The following CSMD1 variants were observed in gnomAD, a reference collection of about 807,000 sequenced individuals.
The protein encoded by CSMD1 is CUB and Sushi multiple domains 1, also known as CUB and sushi domain-containing protein 1.
Under a neutral mutation model 417.5 loss-of-function variants are expected in CSMD1, and 213 were observed. That is an observed-to-expected ratio of 0.51 (90% CI 0.46 to 0.57). The LOEUF (loss-of-function observed/expected upper bound fraction) is 0.57, where lower values mean the gene tolerates loss of function less well. Among genes scored for constraint, CSMD1 ranks in the 20% least tolerant of loss-of-function variants. The pLI, the probability that CSMD1 is intolerant of heterozygous loss-of-function variation, is 0.00. For missense variants in CSMD1, 6,923 were observed against 4,529.7 expected (o/e 1.53, Z -15.17); for synonymous variants, 2,862 against 1,736.8 (o/e 1.65, Z -16.11).
In CSMD1 at chr8:3,407,890, C is replaced by T. The variant is rs143074059; in HGVS notation, c.2071+9G>A. ...AACTTGGATGTGTTGACTGTGTGGG[C>T]GTACTTACTGGTGTAAGTGATGTTG... On this transcript the variant is annotated intron_variant, in intron 14 of 69. Transcript: ENST00000635120. The T allele has an allele frequency of 6.4e-4, 1,021 of 1,591,666 alleles. 3 individuals are homozygous for T. The African/African-American group carries it at 8.1e-3, about 13-fold the overall frequency.
At chr8:3,240,354 A>G (rs1227053929) in intron 26 of CSMD1, among the ~76,000 whole-genome samples, 2 of 152,174 alleles carry the variant, frequency 1.3e-5, no homozygotes, top group East Asian at 3.9e-4. Flanking sequence ...GTGAGTTTAT[A>G]TAATGGTTTT....
intron 1 of CSMD1, among the ~76,000 whole-genome samples, chr8:4,713,374 TTTTTG>T (rs56295432): frequency 0.43 from 64,304 of 147,830 alleles, 14,336 homozygotes; most frequent in Admixed American, 0.56. Flanking sequence ...CAGCTTTGTG[TTTTTG>T]TTTTGTTTTG....
chr8:3,367,902 C>T (rs1311166853), intron 19 of CSMD1, among the ~76,000 whole-genome samples: 2 of 152,034 alleles, frequency 1.3e-5, no homozygotes, highest in Non-Finnish European at 2.9e-5. Context: ...GGACAAAGGA[C>T]CAGACAAATT....
intron 1 of CSMD1, among the ~76,000 whole-genome samples, chr8:4,811,531 G>C (rs1318132147): frequency 6.6e-6 from 1 of 152,070 alleles, no homozygotes; most frequent in African/African-American, 2.4e-5. Context: ...ATAGAAACAA[G>C]AGGTATTTCC....
At chr8:4,685,523 T>A (rs1260344477) in intron 1 of CSMD1, among the ~76,000 whole-genome samples, 1 of 151,334 alleles carries the variant, frequency 6.6e-6, no homozygotes, top group Non-Finnish European at 1.5e-5. Flanking sequence ...TTGCAGTGAG[T>A]CGAGATCACA....
chr8:3,456,989 T>TCA lies in CSMD1; in HGVS notation c.1561+11721_1561+11722dup, dbSNP rs558405875. Among the ~76,000 whole-genome samples, 3 of 151,470 alleles carry TCA rather than the reference T, an allele frequency of 2.0e-5. No homozygotes were observed. The South Asian group carries it at 6.3e-4, about 32-fold the overall frequency. On this transcript the variant is annotated intron_variant, in intron 12 of 69. Transcript: ENST00000635120. ...CTGCACTTCCTCATCCCATAGCCCCTCATTTTGTACTCCTTCCCTTGCACA... is the reference window on the plus strand; with the variant it reads ...CTGCACTTCCTCATCCCATAGCCCCTCACATTTTGTACTCCTTCCCTTGCACA...
At chr8:3,461,451 G>A (rs968579686) in intron 12 of CSMD1, among the ~76,000 whole-genome samples, 1 of 152,210 alleles carries the variant, frequency 6.6e-6, no homozygotes, top group Non-Finnish European at 1.5e-5. Flanking sequence ...CATGGGGCCA[G>A]GAACTGAGGA....
intron 7 of CSMD1, among the ~76,000 whole-genome samples, chr8:3,694,483 C>G (rs1385525873): frequency 6.6e-6 from 1 of 152,112 alleles, no homozygotes; most frequent in Non-Finnish European, 1.5e-5. Flanking sequence ...CCGAAAACAC[C>G]ATCTGGGAAA....
intron 1 of CSMD1, among the ~76,000 whole-genome samples, chr8:4,885,364 A>G (rs1305086297): frequency 1.3e-5 from 2 of 152,048 alleles, no homozygotes; most frequent in African/African-American, 4.8e-5. Flanking sequence ...AACCTCTAGC[A>G]CAATGTTGAA....
intron 16 of CSMD1, among the ~76,000 whole-genome samples, chr8:3,396,627 G>T (rs774044816): frequency 7.9e-5 from 12 of 152,046 alleles, no homozygotes; most frequent in Non-Finnish European, 1.8e-4. Flanking sequence ...AGACACAAGA[G>T]GAGGCCTTTA....
chr8:3,162,685 T>C (rs1056266383), intron 37 of CSMD1, among the ~76,000 whole-genome samples: 3 of 151,632 alleles, frequency 2.0e-5, no homozygotes, highest in African/African-American at 7.3e-5. Flanking sequence ...TATAAAAAAA[T>C]TATGTGTGAA....
chr8:3,107,428 A>G (rs529172940), intron 45 of CSMD1, among the ~76,000 whole-genome samples: 1 of 152,182 alleles, frequency 6.6e-6, no homozygotes, highest in African/African-American at 2.4e-5. Context: ...TTTATTAAAA[A>G]CTATGAACTA....
At chr8:3,981,118 C>G (rs1004344351) in intron 5 of CSMD1, among the ~76,000 whole-genome samples, 16 of 152,196 alleles carry the variant, frequency 1.1e-4, no homozygotes, top group African/African-American at 3.9e-4. Context: ...GCTGAAATGT[C>G]AGGAGTCCTC....
intron 20 of CSMD1, among the ~76,000 whole-genome samples, chr8:3,361,553 G>A (rs111412678): frequency 0.049 from 7,312 of 149,920 alleles, 255 homozygotes; most frequent in East Asian, 0.17. Context: ...TCGGGAGGCC[G>A]AGGCAGAAGA....
intron 11 of CSMD1, among the ~76,000 whole-genome samples, chr8:3,489,153 A>T (rs1048986744): frequency 6.6e-6 from 1 of 152,190 alleles, no homozygotes; most frequent in Admixed American, 6.5e-5. Flanking sequence ...TTGACTCAGG[A>T]TCAGCAGAAA....
chr8:3,121,126 T>G (rs1035288310), intron 41 of CSMD1, among the ~76,000 whole-genome samples: 1 of 152,104 alleles, frequency 6.6e-6, no homozygotes. Context: ...TAAATGCCAG[T>G]GATGAAATGT....
At chr8:4,350,936 C>A (rs1801057182) in intron 3 of CSMD1, among the ~76,000 whole-genome samples, 1 of 152,204 alleles carries the variant, frequency 6.6e-6, no homozygotes, top group Non-Finnish European at 1.5e-5. Flanking sequence ...TTCCTTGACA[C>A]ATACTTGCTT....
intron 3 of CSMD1, among the ~76,000 whole-genome samples, chr8:4,148,618 C>A (rs1321686984): frequency 6.6e-6 from 1 of 152,082 alleles, no homozygotes; most frequent in Admixed American, 6.6e-5. Flanking sequence ...TGTGTGTAGA[C>A]AGTAGCTGCT....
chr8:3,643,104 C>G (rs143509594), intron 7 of CSMD1, among the ~76,000 whole-genome samples: 5 of 151,900 alleles, frequency 3.3e-5, no homozygotes, highest in Non-Finnish European at 7.4e-5. Flanking sequence ...TGCAGCTTGT[C>G]AGGATTTCAA....
Sources: gnomAD v4.1 joint callset for allele counts (sites outside exome capture counted in the v4.1 genomes callset) on GRCh38, gnomAD v4.1.1 for gene constraint, MANE v1.5 for transcripts, NCBI Gene and HGNC (gene_info 2026-07-23, HGNC 2026-07-21) for gene names.